Variants in CIPC observed in about 807,000 individuals in gnomAD.
CIPC encodes the protein CLOCK-interacting pacemaker.
In CIPC, 12 loss-of-function variants were observed where a neutral mutation model predicts 26.7. The ratio of observed to expected loss-of-function variants is 0.45; its 90% CI spans 0.29 to 0.73. The LOEUF (loss-of-function observed/expected upper bound fraction) is 0.73. Among genes scored for constraint, CIPC ranks in the 30% least tolerant of loss-of-function variants. CIPC has a pLI of 0.12. For synonymous variants in CIPC, 170 were observed against 189.8 expected (o/e 0.90, Z 0.86); for missense variants, 417 against 486.5 (o/e 0.86, Z 1.34).
chr14:77,105,749 T>A lies in CIPC; in HGVS notation c.41T>A (p.Leu14His). 6.2e-7 allele frequency: 1 copy of A among 1,614,090 alleles called. No homozygotes were observed. Among genetic ancestry groups the A allele is most frequent in the South Asian group, 1.1e-5 (1 of 91,074 alleles). The change falls in exon 2 of 4, where the codon CTC (leucine) becomes CAC (histidine). Residue 14 changes from leucine (L) to histidine (H), a missense_variant. Leu to His is a moderately conservative substitution (Grantham distance 99, BLOSUM62 -3). Coordinates refer to ENST00000361786, the MANE Select transcript of CIPC (RefSeq NM_033426.3). ...CCATCCAGAGAGAGCCCCAGAAGACTCTCTGCCAAAGTAGGCAAAGGCACA... is the reference window on the plus strand; with the variant it reads ...CCATCCAGAGAGAGCCCCAGAAGACACTCTGCCAAAGTAGGCAAAGGCACA... ...KNPSRESPRR[L>H]SAKVGKGTEM...
At position 77,117,116 on chromosome 14, in the gene CIPC, C is replaced by G. The variant is rs192229720; in HGVS notation, c.*2798C>G. On this transcript the variant is annotated 3_prime_UTR_variant, in exon 4 of 4. Coordinates refer to ENST00000361786, the MANE Select transcript of CIPC (RefSeq NM_033426.3). ...TGACTTTTTATTTTCTACTATGGTT[C>G]CTTTAGCAGAAAAGTAACTTTTGTG... 1.3e-5 allele frequency: 2 copies of G among 152,588 alleles called. No homozygotes were observed. Among genetic ancestry groups the G allele is most frequent in the East Asian group, 3.9e-4 (2 of 5,186 alleles). 9.5% of individuals were successfully genotyped at this position (152,588 alleles called of 1,614,324 possible).
intron 1 of CIPC, among the ~76,000 whole-genome samples, chr14:77,101,237 G>C (rs1886477840): frequency 6.6e-6 from 1 of 152,146 alleles, no homozygotes. Flanking sequence ...GAGAGCACCA[G>C]TAGTAAGTGA....
chr14:77,109,927 T>C lies in CIPC; in HGVS notation c.252T>C (p.Asn84=), dbSNP rs755374969. 3.1e-6 allele frequency: 5 copies of C among 1,614,180 alleles called. No homozygotes were observed. The Admixed American group carries it at 8.3e-5, about 27-fold the overall frequency. The change falls in exon 3 of 4, where the codon AAT becomes AAC. Residue 84 remains asparagine, a synonymous_variant. Transcript: ENST00000361786. The part of the protein sequence containing the change: ...RPRQNSKTAK[N]AFPTLSPMVV... ...GGCAGAACTCCAAAACTGCAAAGAATGCCTTCCCTACCCTGTCTCCCATGG... is the reference window on the plus strand; with the variant it reads ...GGCAGAACTCCAAAACTGCAAAGAACGCCTTCCCTACCCTGTCTCCCATGG...
rs748729258 is a variant in CIPC at position 77,113,869 on chromosome 14, G to A, written c.751G>A (p.Val251Met). 22 of 1,614,102 alleles carry A rather than the reference G, an allele frequency of 1.4e-5. No homozygotes were observed. The highest frequency in any genetic ancestry group is 1.9e-5 in the Non-Finnish European group (22 of 1,180,028). Reference sequence around the variant, plus strand: ...TCTTCAGCCGGTATCCAGCAGTCACGTGGCTAAAGCTCCCAGTCTGACCTT... The same window carrying A: ...TCTTCAGCCGGTATCCAGCAGTCACATGGCTAAAGCTCCCAGTCTGACCTT... ...QTLQPVSSSHVAKAPSLTFAS... is the reference protein window; with the variant it reads ...QTLQPVSSSHMAKAPSLTFAS... Residue 251 changes from valine to methionine, a missense_variant, in exon 4 of 4, where the codon GTG becomes ATG. By Grantham distance (21) the Val-to-Met change is conservative (BLOSUM62 1). Transcript: ENST00000361786.
intron 3 of CIPC, among the ~76,000 whole-genome samples, chr14:77,111,816 G>T (rs75686112): frequency 0.013 from 2,016 of 152,300 alleles, 47 homozygotes; most frequent in African/African-American, 0.046. Context: ...CAATGCATTA[G>T]ATATTTTCCA....
chr14:77,101,398 T>C (rs1886481626), intron 1 of CIPC, among the ~76,000 whole-genome samples: 1 of 152,182 alleles, frequency 6.6e-6, no homozygotes, highest in African/African-American at 2.4e-5. Context: ...GCTAAGGCTT[T>C]TTGCTGCTTA....
At position 77,114,190 on chromosome 14, in the gene CIPC, CA is replaced by C; in HGVS notation, c.1073del (p.Gln358ArgfsTer4). 1 of 1,614,144 alleles carries C rather than the reference CA, an allele frequency of 6.2e-7. No homozygotes were observed. Among genetic ancestry groups the C allele is most frequent in the African/African-American group, 1.3e-5 (1 of 75,050 alleles). On this transcript the variant is annotated frameshift_variant, in exon 4 of 4. Coordinates refer to ENST00000361786, the MANE Select transcript of CIPC (RefSeq NM_033426.3). LOFTEE classifies it high-confidence loss of function. ...ACTAGACCAGCTAAAGGAGCAAACC[CA>C]GCTGTTTATAGAAGCCACCAAGAGC... Reference protein sequence around the residue: ...VELDQLKEQTQLFIEATKSRA... With the variant: ...VELDQLKEQTXLFIEATKSRA...
chr14:77,113,361 A>T (rs1310560673), intron 3 of CIPC, 64 bp from the exon 4 acceptor site: 11 of 1,578,708 alleles, frequency 7.0e-6, no homozygotes, highest in Non-Finnish European at 1.7e-6. Flanking sequence ...CTTTGACAGA[A>T]GCTTCACTCC....
In CIPC at chr14:77,113,330, C is replaced by T. The variant is rs1267570097; in HGVS notation, c.307-95C>T. ...GCACTGTCCTTGAAATTGTTCTAAG[C>T]ATTTGAGTATCCACTTGCCCCTTTG... is the stretch of plus-strand genomic sequence containing the variant. On this transcript the variant is annotated intron_variant, in intron 3 of 3. Transcript: ENST00000361786. 17 of 1,304,586 alleles carry T rather than the reference C, an allele frequency of 1.3e-5. No individual in the cohort carries two copies. The Admixed American group carries it at 1.4e-4, about 11-fold the overall frequency. 80.8% of individuals were successfully genotyped at this position (1,304,586 alleles called of 1,614,324 possible).
intron 1 of CIPC, 83 bp from the exon 2 acceptor site, chr14:77,105,574 T>A: frequency 1.1e-6 from 1 of 915,394 alleles, no homozygotes; most frequent in Non-Finnish European, 1.6e-6. Flanking sequence ...AGGCCAGTGT[T>A]CTTTGCCCAT....
intron 3 of CIPC, among the ~76,000 whole-genome samples, chr14:77,111,347 G>A (rs1056561816): frequency 6.6e-6 from 1 of 152,190 alleles, no homozygotes; most frequent in African/African-American, 2.4e-5. Flanking sequence ...GCCTGATCAG[G>A]AGCTAAGAGA....
intron 2 of CIPC, 145 bp from the exon 3 acceptor site, chr14:77,109,667 G>A (rs1886656783): frequency 1.6e-6 from 1 of 641,614 alleles, no homozygotes; most frequent in Non-Finnish European, 2.6e-6. Context: ...GCCAATGAAA[G>A]CTAAAAGCCT....
In CIPC at chr14:77,113,800, C is replaced by T. The variant is rs762390584; in HGVS notation, c.682C>T (p.Leu228=). 1.2e-6 allele frequency: 2 copies of T among 1,614,082 alleles called. No individual in the cohort carries two copies. ...CGCCAAACTTGCCGAGGACTCAGCTCTGCAGGGTGTGCCCTCTCTGGTGGC... is the reference window on the plus strand; with the variant it reads ...CGCCAAACTTGCCGAGGACTCAGCTTTGCAGGGTGTGCCCTCTCTGGTGGC... ...PSAKLAEDSA[L]QGVPSLVAGG... The change falls in exon 4 of 4, where the codon CTG becomes TTG. Residue 228 remains leucine, a synonymous_variant. Coordinates refer to ENST00000361786, the MANE Select transcript of CIPC (RefSeq NM_033426.3).
In CIPC at chr14:77,113,907, C is replaced by T; in HGVS notation, c.789C>T (p.Ala263=). 4 of 1,614,222 alleles carry T rather than the reference C, an allele frequency of 2.5e-6. No homozygotes were observed. Among genetic ancestry groups the T allele is most frequent in the Non-Finnish European group, 3.4e-6 (4 of 1,180,046 alleles). The change falls in exon 4 of 4, where the codon GCC becomes GCT. Residue 263 remains alanine (A), a synonymous_variant. Coordinates refer to ENST00000361786, the MANE Select transcript of CIPC (RefSeq NM_033426.3). ...CCAGTCTGACCTTCGCTTCCCCCGCCAGTCCTGTCTGCGCATCAGACAGCA... is the reference window on the plus strand; with the variant it reads ...CCAGTCTGACCTTCGCTTCCCCCGCTAGTCCTGTCTGCGCATCAGACAGCA... ...KAPSLTFASP[A]SPVCASDSTL...
intron 1 of CIPC, chr14:77,099,827 T>C (rs1416222333): frequency 2.6e-5 from 4 of 152,224 alleles, no homozygotes; most frequent in African/African-American, 9.6e-5. Flanking sequence ...GATGGTGGAT[T>C]TGTCCCTGAC....
At position 77,109,900 on chromosome 14, in the gene CIPC, G is replaced by A. The variant is rs78346456; in HGVS notation, c.225G>A (p.Pro75=). ...SALGWSREDR[P]RQNSKTAKNA... ...TAGGCTGGAGCAGAGAAGACAGGCC[G>A]AGGCAGAACTCCAAAACTGCAAAGA... The change falls in exon 3 of 4, where the codon CCG becomes CCA. Residue 75 remains proline, a synonymous_variant. Transcript: ENST00000361786. 9,911 of 1,614,162 alleles carry A rather than the reference G, an allele frequency of 6.1e-3. 448 individuals carry two copies. The East Asian group carries it at 0.12, about 20-fold the overall frequency.
intron 1 of CIPC, among the ~76,000 whole-genome samples, chr14:77,100,959 A>G (rs1886471657): frequency 6.6e-6 from 1 of 152,210 alleles, no homozygotes; most frequent in South Asian, 2.1e-4. Context: ...TAAGAGGCCC[A>G]ATTAGGGTAA....
intron 1 of CIPC, among the ~76,000 whole-genome samples, chr14:77,104,339 A>G (rs1886549902): frequency 1.3e-5 from 2 of 152,232 alleles, no homozygotes; most frequent in Admixed American, 1.3e-4. Flanking sequence ...GCGAGCCATG[A>G]TCACGCCACT....
At position 77,114,523 on chromosome 14, in the gene CIPC, G is replaced by T. The variant is rs1886770892; in HGVS notation, c.*205G>T. On this transcript the variant is annotated 3_prime_UTR_variant, in exon 4 of 4. Transcript: ENST00000361786. Reference sequence around the variant, plus strand: ...GATACATATGTCCCCGTCCCACTGAGGACCTCAGTTTGGGAGTGCCCTTGA... The same window carrying T: ...GATACATATGTCCCCGTCCCACTGATGACCTCAGTTTGGGAGTGCCCTTGA... 3.6e-6 allele frequency: 2 copies of T among 560,594 alleles called. No homozygotes were observed. The highest frequency in any genetic ancestry group is 6.2e-6 in the Non-Finnish European group (2 of 321,464). The allele number at this position is 560,594 out of a possible 1,614,324, so 34.7% of individuals were successfully genotyped here.
Sources: gnomAD v4.1 joint callset for allele counts (sites outside exome capture counted in the v4.1 genomes callset) on GRCh38, gnomAD v4.1.1 for gene constraint, MANE v1.5 for transcripts, NCBI Gene and HGNC (gene_info 2026-07-23, HGNC 2026-07-21) for gene names.